ELF5: variants seen among roughly 807,000 people sequenced by gnomAD.
The protein encoded by ELF5 is E74 like ETS transcription factor 5, also known as ETS-related transcription factor Elf-5.
A neutral mutation model predicts 38.2 loss-of-function variants in ELF5; 31 were observed. The observed-to-expected ratio is 0.81, with a 90% CI of 0.61 to 1.10. The LOEUF (loss-of-function observed/expected upper bound fraction) is 1.10, where lower values mean the gene tolerates loss of function less well. Ranked by LOEUF, ELF5 falls within the 50% of genes least tolerant of loss-of-function variation. ELF5 has a pLI of 0.00. For synonymous variants in ELF5, 121 were observed against 112.5 expected, an observed-to-expected ratio of 1.08 and a Z score of -0.48; for missense variants, 300 against 306.6, an observed-to-expected ratio of 0.98 and a Z score of 0.16.
In ELF5 at chr11:34,480,835, T is replaced by G. The variant is rs1590317779; in HGVS notation, c.608A>C (p.Lys203Thr). ...FRVVKSEALA[K>T]MWGQRKKNDR... ...ATTTTTCTTCCTTTGTCCCCACATC[T>G]TTGCCAGGGCTTCCGATTTAACCAC... is the stretch of plus-strand genomic sequence containing the variant. The change falls in exon 6 of 7, where the codon AAG (lysine) becomes ACG (threonine). Residue 203 changes from lysine (K) to threonine (T), a missense_variant. Lys to Thr is a moderately conservative substitution (Grantham distance 78). Coordinates refer to ENST00000257832, the MANE Select transcript of ELF5 (RefSeq NM_001422.4). 1.2e-6 allele frequency: 2 copies of G among 1,614,142 alleles called. No individual in the cohort carries two copies. Among genetic ancestry groups the G allele is most frequent in the African/African-American group, 2.7e-5 (2 of 75,012 alleles).
intron 5 of ELF5, 41 bp downstream of exon 5, chr11:34,482,390 G>A: frequency 6.3e-7 from 1 of 1,577,030 alleles, no homozygotes; most frequent in South Asian, 1.1e-5. Flanking sequence ...CTGAGGAATG[G>A]TTTTAAGAAA....
chr11:34,493,655 C>A lies in ELF5; in HGVS notation c.179G>T (p.Trp60Leu). Residue 60 changes from tryptophan (W) to leucine (L), a missense_variant, in exon 3 of 7, where the codon TGG becomes TTG. Physicochemically the swap from Trp to Leu is moderately conservative, Grantham distance 61 (BLOSUM62 -2). Coordinates refer to ENST00000257832, the MANE Select transcript of ELF5 (RefSeq NM_001422.4). Reference protein sequence around the residue: ...HPEYWTKRHVWEWLQFCCDQY... With the variant: ...HPEYWTKRHVLEWLQFCCDQY... ...GTCGCAGCAGAACTGGAGCCACTCC[C>A]ACACATGGCGCTTAGTCCAGTATTC... 1 of 1,614,228 alleles carries A rather than the reference C, an allele frequency of 6.2e-7. No individual in the cohort carries two copies. Among genetic ancestry groups the A allele is most frequent in the East Asian group, 2.2e-5 (1 of 44,882 alleles).
At chr11:34,502,206 G>C (rs1392648826) in intron 2 of ELF5, among the ~76,000 whole-genome samples, 1 of 152,230 alleles carries the variant, frequency 6.6e-6, no homozygotes, top group African/African-American at 2.4e-5. Flanking sequence ...CTGGCTGCAG[G>C]TCACATGGCT....
Position 34,482,437 on chromosome 11 carries a change from T to G in ELF5, c.469A>C (p.Arg157=). 6.2e-7 allele frequency: 1 copy of G among 1,613,484 alleles called. No homozygotes were observed. Among genetic ancestry groups the G allele is most frequent in the Non-Finnish European group, 8.5e-7 (1 of 1,179,828 alleles). The part of the protein sequence containing the change: ...IKSQDCHSHS[R]TSLQSSHLWE... ...ACTGGCATCCTGCACTTACTTGTTCTACTATGACTGTGACAGTCTTGACTT... is the reference window on the plus strand; with the variant it reads ...ACTGGCATCCTGCACTTACTTGTTCGACTATGACTGTGACAGTCTTGACTT... Residue 157 remains arginine, a synonymous_variant, in exon 5 of 7, where the codon AGA becomes CGA. Transcript: ENST00000257832.
intron 1 of ELF5, among the ~76,000 whole-genome samples, chr11:34,510,950 A>G (rs974810417): frequency 6.6e-6 from 1 of 152,142 alleles, no homozygotes; most frequent in South Asian, 2.1e-4. Context: ...GTGAGGGACT[A>G]GCTGGCTCAT....
intron 3 of ELF5, chr11:34,492,482 C>A (rs548689503): frequency 3.9e-5 from 6 of 152,188 alleles, no homozygotes; most frequent in Non-Finnish European, 7.3e-5. Context: ...TCTGAATTAC[C>A]TTTTCAAAAG....
At chr11:34,502,953 G>A (rs770762951) in intron 2 of ELF5, among the ~76,000 whole-genome samples, 1 of 152,182 alleles carries the variant, frequency 6.6e-6, no homozygotes, top group Non-Finnish European at 1.5e-5. Context: ...CTAAGACTTG[G>A]TTGGATTTAA....
At chr11:34,495,456 T>C (rs1277108865) in intron 2 of ELF5, among the ~76,000 whole-genome samples, 8 of 152,166 alleles carry the variant, frequency 5.3e-5, no homozygotes, top group African/African-American at 1.7e-4. Context: ...CTACGCGTTC[T>C]TGTCGTCTCA....
In ELF5 at chr11:34,480,934, C is replaced by T. The variant is rs747223156; in HGVS notation, c.509G>A (p.Arg170Gln). 3.7e-6 allele frequency: 6 copies of T among 1,613,758 alleles called. No homozygotes were observed. Among genetic ancestry groups the T allele is most frequent in the Admixed American group, 1.7e-5 (1 of 59,948 alleles). ...LQSSHLWEFV[R>Q]DLLLSPEENC... The stretch of plus-strand genomic sequence containing the variant: ...TTCTTCAGGAGATAGAAGCAGGTCT[C>T]GTACAAATTCCCATAGATGAGAACT... The change falls in exon 6 of 7, where the codon CGA becomes CAA. Residue 170 changes from arginine (R) to glutamine (Q), a missense_variant. Arg to Gln is a conservative substitution (Grantham distance 43). Coordinates refer to ENST00000257832, the MANE Select transcript of ELF5 (RefSeq NM_001422.4).
At chr11:34,504,450 G>A (rs1038433440) in intron 2 of ELF5, among the ~76,000 whole-genome samples, 1 of 152,078 alleles carries the variant, frequency 6.6e-6, no homozygotes, top group Non-Finnish European at 1.5e-5. Flanking sequence ...TGGGGTGGGG[G>A]CAGGTGTGGG....
intron 1 of ELF5, chr11:34,511,647 A>T: frequency 6.3e-7 from 1 of 1,588,522 alleles, no homozygotes; most frequent in East Asian, 2.2e-5. Flanking sequence ...ATGCACACAG[A>T]GAGGGTCCAC....
intron 4 of ELF5, among the ~76,000 whole-genome samples, chr11:34,487,120 T>A (rs554322010): frequency 1.3e-5 from 2 of 151,936 alleles, no homozygotes; most frequent in South Asian, 4.2e-4. Context: ...GGGGAAAGCA[T>A]GATCATCAGG....
At position 34,491,257 on chromosome 11, in the gene ELF5, G is replaced by A. The variant is rs117245870; in HGVS notation, c.356-1198C>T. Among the ~76,000 whole-genome samples the A allele has an allele frequency of 9.2e-3, 1,395 of 152,218 alleles. 13 individuals are homozygous for A. The highest frequency in any genetic ancestry group is 0.017 in the Admixed American group (263 of 15,276). On this transcript the variant is annotated intron_variant, in intron 3 of 6. Coordinates refer to ENST00000257832, the MANE Select transcript of ELF5 (RefSeq NM_001422.4). ...ATCACAGGCAGAAACGATGTCTCCTGGGCAAATGGGAGACAGTGTGAACTT... is the reference window on the plus strand; with the variant it reads ...ATCACAGGCAGAAACGATGTCTCCTAGGCAAATGGGAGACAGTGTGAACTT...
intron 2 of ELF5, among the ~76,000 whole-genome samples, chr11:34,505,026 A>G (rs891909983): frequency 7.2e-5 from 11 of 152,208 alleles, no homozygotes; most frequent in Non-Finnish European, 1.3e-4. Context: ...TCAGAGAATA[A>G]TGATATATTA....
intron 1 of ELF5, among the ~76,000 whole-genome samples, chr11:34,513,354 C>G (rs1850811910): frequency 2.0e-5 from 3 of 152,258 alleles, no homozygotes. Context: ...TCCAGCTTCC[C>G]TTCCTAAAGA....
At chr11:34,507,672 A>G (rs147014000) in intron 1 of ELF5, among the ~76,000 whole-genome samples, 1 of 152,368 alleles carries the variant, frequency 6.6e-6, no homozygotes, top group East Asian at 1.9e-4. Context: ...TCTCCCCGCA[A>G]TTCAGAAAAA....
chr11:34,503,510 G>A (rs754437514), intron 2 of ELF5, among the ~76,000 whole-genome samples: 6 of 147,428 alleles, frequency 4.1e-5, no homozygotes, highest in Non-Finnish European at 9.0e-5. Context: ...GTGCAGTGGC[G>A]TGACTGCAGC....
chr11:34,493,715 G>C lies in ELF5; in HGVS notation c.122-3C>G, dbSNP rs201904754. Reference sequence around the variant, plus strand: ...TGATGTCCAGTATGAGTCACAGGCTGCACCAAAGGAGAAAGAAGTGAGGGA... The same window carrying C: ...TGATGTCCAGTATGAGTCACAGGCTCCACCAAAGGAGAAAGAAGTGAGGGA... On this transcript the variant is annotated splice_polypyrimidine_tract_variant and splice_region_variant and intron_variant, in intron 2 of 6. Transcript: ENST00000257832. The C allele has an allele frequency of 1.2e-6, 2 of 1,611,820 alleles. No individual in the cohort carries two copies. The highest frequency in any genetic ancestry group is 1.7e-6 in the Non-Finnish European group (2 of 1,178,084).
chr11:34,494,433 C>T (rs1850264932), intron 2 of ELF5, among the ~76,000 whole-genome samples: 1 of 152,196 alleles, frequency 6.6e-6, no homozygotes, highest in Admixed American at 6.5e-5. Context: ...TAGTAGGCAC[C>T]TCCAGAGGAA....
Sources: allele counts gnomAD v4.1 joint callset (sites outside exome capture counted in the v4.1 genomes callset), GRCh38; gene constraint gnomAD v4.1.1; transcripts MANE v1.5; gene names NCBI Gene and HGNC (gene_info 2026-07-23, HGNC 2026-07-21).